CNGA1: variants seen among roughly 807,000 people sequenced by gnomAD.
CNGA1 encodes cyclic nucleotide-gated channel alpha-1.
In CNGA1, 53 loss-of-function variants were observed where a neutral mutation model predicts 69.7. The ratio of observed to expected loss-of-function variants is 0.76; its 90% CI spans 0.61 to 0.96. The LOEUF is 0.96. Among genes scored for constraint, CNGA1 ranks in the 40% least tolerant of loss-of-function variants. The pLI, the probability that CNGA1 is intolerant of heterozygous loss-of-function variation, is 0.00. For synonymous variants in CNGA1, 249 were observed against 283.5 expected, an observed-to-expected ratio of 0.88 and a Z score of 1.22; for missense variants, 739 against 811.2, an observed-to-expected ratio of 0.91 and a Z score of 1.08.
chr4:48,016,037 G>A (rs1027028591), intron 1 of CNGA1, among the ~76,000 whole-genome samples: 1 of 152,182 alleles, frequency 6.6e-6, no homozygotes, highest in South Asian at 2.1e-4. Context: ...AATACATAAT[G>A]TGCCTGCATA....
Position 47,943,405 on chromosome 4 carries a change from C to A in CNGA1, c.295G>T (p.Glu99Ter). The A allele has an allele frequency of 6.7e-7, 1 of 1,482,394 alleles. No individual in the cohort carries two copies. Among genetic ancestry groups the A allele is most frequent in the South Asian group, 1.3e-5 (1 of 75,704 alleles). 91.8% of individuals were successfully genotyped at this position (1,482,394 alleles called of 1,614,324 possible). The change falls in exon 7 of 11, where the codon GAA becomes TAA. Residue 99 changes from glutamate (E) to a stop codon, truncating the protein, a stop_gained. Transcript: ENST00000514170. LOFTEE classifies it high-confidence loss of function. ...TCTTTTTTCTTTTTCTTTTTTTCTT[C>A]TGGTTCCCTAAAGAAAAAAATAATA... ...NNSSNKDQEP[E>*]EKKKKKKEKK...
intron 3 of CNGA1, among the ~76,000 whole-genome samples, chr4:47,973,013 T>A (rs925421122): frequency 3.3e-5 from 5 of 151,982 alleles, no homozygotes; most frequent in Admixed American, 1.3e-4. Context: ...ACAAACTGAA[T>A]TGAGAAATCC....
chr4:47,965,742 T>A (rs1284442147), intron 3 of CNGA1, among the ~76,000 whole-genome samples: 2 of 152,162 alleles, frequency 1.3e-5, no homozygotes, highest in Non-Finnish European at 2.9e-5. Context: ...AAGTTATTCT[T>A]TTTATATGCT....
intron 2 of CNGA1, among the ~76,000 whole-genome samples, chr4:47,995,794 G>A (rs1228791609): frequency 3.3e-5 from 5 of 152,060 alleles, no homozygotes; most frequent in Non-Finnish European, 7.4e-5. Context: ...GAAAGGTCTA[G>A]GGCTGAAGGC....
At chr4:47,968,474 C>T (rs149193495) in intron 3 of CNGA1, among the ~76,000 whole-genome samples, 10 of 151,980 alleles carry the variant, frequency 6.6e-5, no homozygotes, top group African/African-American at 2.4e-5. Context: ...ATCAGAAAAA[C>T]GGCTAACATC....
At chr4:48,002,871 C>T (rs894002107) in intron 2 of CNGA1, among the ~76,000 whole-genome samples, 1 of 152,136 alleles carries the variant, frequency 6.6e-6, no homozygotes, top group African/African-American at 2.4e-5. Context: ...CTCCTCCCCA[C>T]AGCCTGATGG....
At chr4:47,952,562 T>A (rs760873136) in intron 4 of CNGA1, 21 bp downstream of exon 4, 2 of 1,611,232 alleles carry the variant, frequency 1.2e-6, no homozygotes, top group South Asian at 2.2e-5. Flanking sequence ...TAAAAATGCA[T>A]GGGAAAATGT....
At position 47,944,672 on chromosome 4, in the gene CNGA1, A is replaced by G. The variant is rs187329516; in HGVS notation, c.288-1260T>C. Among the ~76,000 whole-genome samples, 290 of 152,318 alleles carry G rather than the reference A, an allele frequency of 1.9e-3. 1 individual carries two copies. The highest frequency in any genetic ancestry group is 3.2e-3 in the Non-Finnish European group (221 of 68,026). ...TCCCAAAGAGGGCTCAAAGGATGCA[A>G]AAGTGATGTGGAATGGGCTGGTGAG... is the stretch of plus-strand genomic sequence containing the variant. On this transcript the variant is annotated intron_variant, in intron 6 of 10. Transcript: ENST00000514170.
chr4:47,944,026 A>G (rs1280142315), intron 6 of CNGA1, among the ~76,000 whole-genome samples: 1 of 152,230 alleles, frequency 6.6e-6, no homozygotes, highest in Admixed American at 6.5e-5. Flanking sequence ...AGGGGAATAG[A>G]TTCTGAAGTC....
chr4:47,993,734 G>A (rs188443388), intron 2 of CNGA1, among the ~76,000 whole-genome samples: 1 of 151,632 alleles, frequency 6.6e-6, no homozygotes, highest in East Asian at 1.9e-4. Context: ...TTTGGGTTTG[G>A]TTTTTTTCTT....
intron 10 of CNGA1, among the ~76,000 whole-genome samples, chr4:47,939,117 A>G (rs937027927): frequency 3.3e-5 from 5 of 152,188 alleles, no homozygotes; most frequent in Admixed American, 1.3e-4. Context: ...GCCCTTGGTG[A>G]GGTCCAAGAT....
chr4:47,936,753 G>T lies in CNGA1; in HGVS notation c.1729C>A (p.Leu577Ile), dbSNP rs1352342372. The T allele has an allele frequency of 1.2e-6, 2 of 1,614,102 alleles. No homozygotes were observed. Among genetic ancestry groups the T allele is most frequent in the Admixed American group, 1.7e-5 (1 of 60,006 alleles). ...SDLFCLSKDD[L>I]MEALTEYPDA... ...GGGTACTCAGTTAGAGCTTCCATGA[G>T]GTCATCTTTTGAGAGACAGAACAGG... Residue 577 changes from leucine (L) to isoleucine (I), a missense_variant, in exon 11 of 11, where the codon CTC becomes ATC. By Grantham distance (5) the Leu-to-Ile change is conservative. Transcript: ENST00000514170.
chr4:47,986,352 GC>G (rs1384967775), intron 2 of CNGA1, among the ~76,000 whole-genome samples: 1 of 151,786 alleles, frequency 6.6e-6, no homozygotes, highest in African/African-American at 2.4e-5. Flanking sequence ...GTTGCAGTAA[GC>G]CGAGATTGCA....
At chr4:47,941,395 C>T (rs932294619) in intron 9 of CNGA1, among the ~76,000 whole-genome samples, 3 of 152,108 alleles carry the variant, frequency 2.0e-5, no homozygotes, top group Admixed American at 6.5e-5. Flanking sequence ...TCACCAGGTT[C>T]GTATTGACTA....
At chr4:47,948,680 G>A (rs1231807940) in intron 6 of CNGA1, among the ~76,000 whole-genome samples, 1 of 152,206 alleles carries the variant, frequency 6.6e-6, no homozygotes, top group African/African-American at 2.4e-5. Context: ...GAAGTAGGCA[G>A]TGCTGTATAC....
intron 2 of CNGA1, among the ~76,000 whole-genome samples, chr4:47,994,495 C>T (rs1250650115): frequency 1.3e-5 from 2 of 151,892 alleles, no homozygotes; most frequent in Non-Finnish European, 2.9e-5. Context: ...AGAATCCTGC[C>T]TGCTTTTGGT....
At chr4:47,971,108 A>C (rs1444514400) in intron 3 of CNGA1, 3 of 453,822 alleles carry the variant, frequency 6.6e-6, no homozygotes, top group East Asian at 6.9e-5. Context: ...CATCTAAAAA[A>C]AAAAAATACA....
chr4:47,963,266 A>C (rs536677539), intron 3 of CNGA1, among the ~76,000 whole-genome samples: 1 of 152,216 alleles, frequency 6.6e-6, no homozygotes. Flanking sequence ...CTGGATTTTA[A>C]ATTGAGTGAG....
At chr4:47,939,011 G>GAGAA (rs780219320) in intron 10 of CNGA1, among the ~76,000 whole-genome samples, 2 of 149,696 alleles carry the variant, frequency 1.3e-5, no homozygotes, top group African/African-American at 4.9e-5. Flanking sequence ...AAGAAAGAAA[G>GAGAA]AGAAAGAAGA....
Sources: allele counts gnomAD v4.1 joint callset (sites outside exome capture counted in the v4.1 genomes callset), GRCh38; gene constraint gnomAD v4.1.1; transcripts MANE v1.5; gene names NCBI Gene and HGNC (gene_info 2026-07-23, HGNC 2026-07-21).